RGL1: variants seen among roughly 807,000 people sequenced by gnomAD.
RGL1 encodes ral guanine nucleotide dissociation stimulator like 1, also known as ral guanine nucleotide dissociation stimulator-like 1.
A neutral mutation model predicts 95.2 loss-of-function variants in RGL1; 24 were observed. The ratio of observed to expected loss-of-function variants is 0.25; its 90% CI spans 0.18 to 0.35. The LOEUF is 0.35. Ranked by LOEUF, RGL1 falls within the 10% of genes least tolerant of loss-of-function variation. The pLI, the probability that RGL1 is intolerant of heterozygous loss-of-function variation, is 1.00. For synonymous variants in RGL1, 329 were observed against 344.9 expected, an observed-to-expected ratio of 0.95 and a Z score of 0.51; for missense variants, 715 against 936.3, an observed-to-expected ratio of 0.76 and a Z score of 3.08.
At chr1:183,832,454 A>G (rs1663325123) in intron 2 of RGL1, among the ~76,000 whole-genome samples, 1 of 152,242 alleles carries the variant, frequency 6.6e-6, no homozygotes, top group South Asian at 2.1e-4. Flanking sequence ...TTGGGAGTTA[A>G]TATAATATTT....
At chr1:183,742,413 A>T in intron 2 of RGL1, 1 of 1,050,538 alleles carries the variant, frequency 9.5e-7, no homozygotes, top group South Asian at 1.4e-5. Context: ...GGCTGTAGGC[A>T]CAGCCATGAC....
chr1:183,663,479 C>G (rs1274795632), intron 1 of RGL1, among the ~76,000 whole-genome samples: 1 of 151,862 alleles, frequency 6.6e-6, no homozygotes, highest in Non-Finnish European at 1.5e-5. Flanking sequence ...CCATCACTGG[C>G]CATCAGAGAA....
At chr1:183,889,945 A>T (rs1414554342) in intron 8 of RGL1, among the ~76,000 whole-genome samples, 1 of 152,046 alleles carries the variant, frequency 6.6e-6, no homozygotes, top group East Asian at 1.9e-4. Flanking sequence ...GTGTGTATTA[A>T]AGAGAGATTA....
At position 183,927,715 on chromosome 1, in the gene RGL1, A is replaced by G. The variant is rs1017154380; in HGVS notation, c.*1423A>G. On this transcript the variant is annotated 3_prime_UTR_variant, in exon 18 of 18. Coordinates refer to ENST00000360851, the MANE Select transcript of RGL1 (RefSeq NM_001297671.3). ...GACATGTGTAAGAAGCACTTTCAGAATGTTGTCCTTTTTAAGAAATGATTC... is the reference window on the plus strand; with the variant it reads ...GACATGTGTAAGAAGCACTTTCAGAGTGTTGTCCTTTTTAAGAAATGATTC... 6.6e-6 allele frequency: 1 copy of G among 152,632 alleles called. No individual in the cohort carries two copies. The highest frequency in any genetic ancestry group is 2.4e-5 in the African/African-American group (1 of 41,450). 9.5% of individuals were successfully genotyped at this position (152,632 alleles called of 1,614,324 possible).
intron 1 of RGL1, 33 bp downstream of exon 1, chr1:183,805,357 T>C (rs777683326): frequency 9.5e-6 from 15 of 1,579,460 alleles, no homozygotes; most frequent in South Asian, 4.5e-5. Flanking sequence ...TCCCGAGGCT[T>C]CTCTGGTGGG....
intron 15 of RGL1, among the ~76,000 whole-genome samples, chr1:183,915,386 GATTT>G (rs1241020299): frequency 1.3e-5 from 2 of 152,184 alleles, no homozygotes; most frequent in Non-Finnish European, 2.9e-5. Flanking sequence ...TCAATTTAAT[GATTT>G]TTAAAAGTAC....
Position 183,888,565 on chromosome 1 carries a change from C to A in RGL1, c.1043C>A (p.Ala348Asp). 1 of 1,610,198 alleles carries A rather than the reference C, an allele frequency of 6.2e-7. No individual in the cohort carries two copies. The change falls in exon 8 of 18, where the codon GCT becomes GAT. Residue 348 changes from alanine to aspartate, a missense_variant. Physicochemically the swap from Ala to Asp is moderately radical, Grantham distance 126. Around this residue, in one of 3 missense-constraint regions of RGL1, gnomAD observed 381 missense variants for 484.8 expected, o/e 0.79. Coordinates refer to ENST00000360851, the MANE Select transcript of RGL1 (RefSeq NM_001297671.3). Reference protein sequence around the residue: ...NSIYRLKKTWAAVPRDRMLMF... With the variant: ...NSIYRLKKTWDAVPRDRMLMF... ...ATCTATCGGTTAAAAAAGACTTGGG[C>A]TGCCGTCCCAAGGTAAGTTCCCAAG... is the stretch of plus-strand genomic sequence containing the variant.
intron 1 of RGL1, among the ~76,000 whole-genome samples, chr1:183,734,477 C>T (rs12075254): frequency 0.18 from 27,219 of 152,058 alleles, 3,361 homozygotes; most frequent in African/African-American, 0.35. Context: ...ATTGAATGCA[C>T]TGTGGTGGAG....
At chr1:183,718,112 G>T (rs959127351) in intron 1 of RGL1, among the ~76,000 whole-genome samples, 12 of 152,070 alleles carry the variant, frequency 7.9e-5, no homozygotes, top group African/African-American at 2.9e-4. Flanking sequence ...TGGGCATGGT[G>T]GCACACGTCT....
chr1:183,784,316 G>A lies in RGL1; in HGVS notation c.133-22059G>A, dbSNP rs968985968. On this transcript the variant is annotated intron_variant, in intron 2 of 18. Coordinates refer to the RGL1 transcript ENST00000304685. ...CTGATACTGGGAAATACAGGAACAG[G>A]TGGCACTTAGAAGTGTAATCAAGAC... 7.9e-5 allele frequency among the ~76,000 whole-genome samples: 12 copies of A among 152,350 alleles called. No individual in the cohort carries two copies. In the South Asian group the frequency reaches 1.0e-3, roughly 13 times the overall value.
At chr1:183,660,138 A>C (rs1349257086) in intron 1 of RGL1, among the ~76,000 whole-genome samples, 2 of 152,226 alleles carry the variant, frequency 1.3e-5, no homozygotes, top group African/African-American at 4.8e-5. Flanking sequence ...GCTAGGAAGA[A>C]ACTGCATCAA....
intron 2 of RGL1, among the ~76,000 whole-genome samples, chr1:183,768,325 C>CTT (rs1558196127): frequency 6.6e-6 from 1 of 151,916 alleles, no homozygotes; most frequent in Non-Finnish European, 1.5e-5. Flanking sequence ...ACTTTATAAC[C>CTT]TTTTTTAAAA....
chr1:183,643,834 A>C (rs967713370), intron 1 of RGL1, among the ~76,000 whole-genome samples: 1 of 152,164 alleles, frequency 6.6e-6, no homozygotes, highest in Non-Finnish European at 1.5e-5. Context: ...ATTTGCACTT[A>C]ATTTTAACTA....
chr1:183,690,705 T>G (rs1380719644), intron 1 of RGL1, among the ~76,000 whole-genome samples: 1 of 150,692 alleles, frequency 6.6e-6, no homozygotes, highest in Non-Finnish European at 1.5e-5. Context: ...TTAAAAATTG[T>G]TAGTGCTAGA....
At chr1:183,791,565 C>T (rs758566181) in intron 2 of RGL1, among the ~76,000 whole-genome samples, 1 of 152,196 alleles carries the variant, frequency 6.6e-6, no homozygotes, top group African/African-American at 2.4e-5. Flanking sequence ...ACTGACCACA[C>T]TAAGACTTCC....
At chr1:183,736,372 G>A (rs1004748893) in intron 1 of RGL1, among the ~76,000 whole-genome samples, 1 of 152,178 alleles carries the variant, frequency 6.6e-6, no homozygotes, top group Non-Finnish European at 1.5e-5. Context: ...CAGCAGTCTT[G>A]TAGCCTATTC....
chr1:183,801,268 T>A (rs1024071217), upstream of RGL1, among the ~76,000 whole-genome samples: 1 of 152,158 alleles, frequency 6.6e-6, no homozygotes, highest in Non-Finnish European at 1.5e-5. Flanking sequence ...TTGAGCACTT[T>A]CTCATATATG....
chr1:183,702,005 T>C (rs183054838), intron 1 of RGL1, among the ~76,000 whole-genome samples: 172 of 152,360 alleles, frequency 1.1e-3, no homozygotes, highest in South Asian at 1.9e-3. Flanking sequence ...GAAAATGCTT[T>C]CTGCTTATTG....
At chr1:183,650,044 C>A (rs1439636845) in intron 1 of RGL1, among the ~76,000 whole-genome samples, 2 of 152,120 alleles carry the variant, frequency 1.3e-5, no homozygotes, top group African/African-American at 4.8e-5. Context: ...AACTCCTGGG[C>A]TCAAGTGATC....
Sources: allele counts gnomAD v4.1 joint callset (sites outside exome capture counted in the v4.1 genomes callset), GRCh38; gene constraint gnomAD v4.1.1; regional missense constraint gnomAD v4.1.1; transcripts MANE v1.5; gene names NCBI Gene and HGNC (gene_info 2026-07-23, HGNC 2026-07-21).